The following NAALADL2 variants were observed in gnomAD, a reference collection of about 807,000 sequenced individuals.
NAALADL2 encodes inactive N-acetylated-alpha-linked acidic dipeptidase-like protein 2.
Under a neutral mutation model 87.2 loss-of-function variants are expected in NAALADL2, and 76 were observed. The observed-to-expected ratio is 0.87, with a 90% confidence interval of 0.72 to 1.05. The LOEUF (loss-of-function observed/expected upper bound fraction) is 1.05. Ranked by LOEUF, NAALADL2 falls within the 50% of genes least tolerant of loss-of-function variation. The pLI is 0.00. For synonymous variants in NAALADL2, 354 were observed against 331.0 expected, an observed-to-expected ratio of 1.07 and a Z score of -0.75; for missense variants, 1,089 against 945.8, an observed-to-expected ratio of 1.15 and a Z score of -1.99.
rs541787911 is a variant in NAALADL2 at position 175,384,495 on chromosome 3, T to G, written c.1090+60170T>G. 6.5e-4 allele frequency among the ~76,000 whole-genome samples: 99 copies of G among 152,158 alleles called. 4 individuals carry two copies. The South Asian group carries it at 0.02, about 31-fold the overall frequency. On this transcript the variant is annotated intron_variant, in intron 5 of 13. Coordinates refer to ENST00000454872, the MANE Select transcript of NAALADL2 (RefSeq NM_207015.3). ...TTTGATTGATTTAACTTTATCATTA[T>G]AAATTAGGTTTTAGTTTCTTTGACT...
At chr3:174,748,251 A>G (rs1734471010) in intron 3 of NAALADL2, among the ~76,000 whole-genome samples, 1 of 152,052 alleles carries the variant, frequency 6.6e-6, no homozygotes, top group African/African-American at 2.4e-5. Context: ...GCAGCAAACC[A>G]CTATGGCACA....
intron 3 of NAALADL2, among the ~76,000 whole-genome samples, chr3:174,794,222 C>T (rs1362623920): frequency 6.6e-6 from 1 of 152,050 alleles, no homozygotes; most frequent in African/African-American, 2.4e-5. Flanking sequence ...TGATAGTCTT[C>T]TGCCCAATGT....
chr3:175,616,865 A>G (rs1405717057), intron 10 of NAALADL2, among the ~76,000 whole-genome samples: 1 of 151,870 alleles, frequency 6.6e-6, no homozygotes, highest in Non-Finnish European at 1.5e-5. Context: ...TTTAAGGGAT[A>G]TTGTCTTTGG....
chr3:174,961,000 C>G (rs1741896075), intron 1 of NAALADL2, among the ~76,000 whole-genome samples: 1 of 149,962 alleles, frequency 6.7e-6, no homozygotes, highest in Non-Finnish European at 1.5e-5. Flanking sequence ...TCATGCCATT[C>G]CACTCCAGAG....
chr3:175,749,489 G>A (rs776042084), intron 12 of NAALADL2, among the ~76,000 whole-genome samples: 1 of 152,014 alleles, frequency 6.6e-6, no homozygotes, highest in Non-Finnish European at 1.5e-5. Flanking sequence ...GTTTCTGCTT[G>A]TAAGAAGGCT....
chr3:174,942,879 A>G (rs551394615), intron 1 of NAALADL2, among the ~76,000 whole-genome samples: 7 of 152,264 alleles, frequency 4.6e-5, no homozygotes, highest in Admixed American at 3.9e-4. Flanking sequence ...ATTAAGCTTT[A>G]TCAGATCCAT....
intron 5 of NAALADL2, among the ~76,000 whole-genome samples, chr3:175,401,600 A>G (rs1770571152): frequency 6.6e-6 from 1 of 152,114 alleles, no homozygotes; most frequent in South Asian, 2.1e-4. Flanking sequence ...CTAGGCTACA[A>G]ACCTGTACCT....
At chr3:174,446,934 C>T (rs1009704056) in intron 1 of NAALADL2, among the ~76,000 whole-genome samples, 6 of 152,076 alleles carry the variant, frequency 3.9e-5, no homozygotes. Flanking sequence ...CCTTAAGAAA[C>T]CTTGTGGTTC....
At chr3:175,697,434 A>ACACACACAC (rs1560991895) in intron 11 of NAALADL2, among the ~76,000 whole-genome samples, 4 of 119,594 alleles carry the variant, frequency 3.3e-5, no homozygotes, top group Non-Finnish European at 7.2e-5. Flanking sequence ...CACACACACA[A>ACACACACAC]AACCCTACTT....
At chr3:174,963,807 T>C (rs1288651683) in intron 1 of NAALADL2, among the ~76,000 whole-genome samples, 2 of 152,260 alleles carry the variant, frequency 1.3e-5, no homozygotes, top group Non-Finnish European at 2.9e-5. Flanking sequence ...CAAATATAGA[T>C]ACTGTTAAGG....
chr3:174,921,654 A>G (rs943604673), intron 1 of NAALADL2, among the ~76,000 whole-genome samples: 41 of 151,786 alleles, frequency 2.7e-4, no homozygotes, highest in Admixed American at 1.2e-3. Context: ...ACAAAAACAG[A>G]ATTAGCTGGG....
intron 5 of NAALADL2, among the ~76,000 whole-genome samples, chr3:175,446,603 C>G (rs1245000053): frequency 6.6e-6 from 1 of 152,180 alleles, no homozygotes; most frequent in Non-Finnish European, 1.5e-5. Flanking sequence ...TGTTCACTCT[C>G]TCACTCTCAG....
chr3:175,369,719 T>C (rs947233155), intron 5 of NAALADL2: 1 of 152,230 alleles, frequency 6.6e-6, no homozygotes, highest in African/African-American at 2.4e-5. Context: ...GCCTGAAAGA[T>C]ATGCTTAGTA....
chr3:174,905,939 C>T (rs1208772909), intron 1 of NAALADL2, among the ~76,000 whole-genome samples: 1 of 152,084 alleles, frequency 6.6e-6, no homozygotes, highest in African/African-American at 2.4e-5. Context: ...TGTTTACACA[C>T]AGGTAATGTT....
chr3:175,445,126 C>T (rs111489450), intron 5 of NAALADL2, among the ~76,000 whole-genome samples: 1 of 152,100 alleles, frequency 6.6e-6, no homozygotes, highest in African/African-American at 2.4e-5. Flanking sequence ...TCACAGGCTG[C>T]CTGATAGAGT....
intron 9 of NAALADL2, among the ~76,000 whole-genome samples, chr3:175,499,646 C>A (rs755693267): frequency 6.6e-6 from 1 of 151,954 alleles, no homozygotes; most frequent in Admixed American, 6.6e-5. Context: ...TGGAGCCTTA[C>A]GTGGGCATTT....
intron 1 of NAALADL2, among the ~76,000 whole-genome samples, chr3:174,891,670 C>A (rs1730885842): frequency 1.3e-5 from 2 of 152,130 alleles, no homozygotes; most frequent in Non-Finnish European, 2.9e-5. Flanking sequence ...GCAATCCTTG[C>A]CACTTAGGTC....
rs574126753 is a variant in NAALADL2 at position 175,810,436 on chromosome 3, A to G, written c.*7233A>G. 37 of 152,156 alleles carry G rather than the reference A, an allele frequency of 2.4e-4. No individual in the cohort carries two copies. Among genetic ancestry groups the G allele is most frequent in the African/African-American group, 8.4e-4 (35 of 41,538 alleles). 9.4% of individuals were successfully genotyped at this position (152,156 alleles called of 1,614,324 possible). A position where few individuals can be genotyped will look rare whatever the true frequency, so the allele number is the denominator to read the frequency against. On this transcript the variant is annotated 3_prime_UTR_variant, in exon 14 of 14. Coordinates refer to ENST00000454872, the MANE Select transcript of NAALADL2 (RefSeq NM_207015.3). Reference sequence around the variant, plus strand: ...CATTATTGAAAACATAGTACTAGGAAATGAAGGCACCATTTAACAAACGTG... The same window carrying G: ...CATTATTGAAAACATAGTACTAGGAGATGAAGGCACCATTTAACAAACGTG...
chr3:174,786,118 T>G (rs1294934039), intron 3 of NAALADL2, among the ~76,000 whole-genome samples: 1 of 152,116 alleles, frequency 6.6e-6, no homozygotes. Context: ...CATCTGATTA[T>G]TTTTGCATGA....
Sources: gnomAD v4.1 joint callset for allele counts (sites outside exome capture counted in the v4.1 genomes callset) on GRCh38, gnomAD v4.1.1 for gene constraint, MANE v1.5 for transcripts, NCBI Gene and HGNC (gene_info 2026-07-23, HGNC 2026-07-21) for gene names.